The following KLHL3 variants were observed in gnomAD, a reference collection of about 807,000 sequenced individuals.
KLHL3 encodes kelch-like protein 3.
In KLHL3, 19 loss-of-function variants were observed where a neutral mutation model predicts 70.5. The observed-to-expected ratio is 0.27, with a 90% CI of 0.19 to 0.40. The LOEUF (loss-of-function observed/expected upper bound fraction) is 0.40, where lower values mean the gene tolerates loss of function less well. Ranked by LOEUF, KLHL3 falls within the 10% of genes least tolerant of loss-of-function variation. The probability of loss-of-function intolerance (pLI) is 1.00; values close to 1 mark genes in which losing one functional copy is unlikely to be tolerated. For synonymous variants in KLHL3, 258 were observed against 290.3 expected (o/e 0.89, Z 1.13); for missense variants, 512 against 771.1 (o/e 0.66, Z 3.98).
At chr5:137,692,852 A>ACACACACT (rs1194467880) in intron 4 of KLHL3, among the ~76,000 whole-genome samples, 1 of 151,632 alleles carries the variant, frequency 6.6e-6, no homozygotes, top group Admixed American at 6.6e-5. Flanking sequence ...ACACACACAC[A>ACACACACT]CAATGGTTCT....
chr5:137,720,316 GAGAA>G, intron 2 of KLHL3, 145 bp downstream of exon 2: 1 of 894,272 alleles, frequency 1.1e-6, no homozygotes, highest in Middle Eastern at 2.9e-4. Flanking sequence ...AAAAAAAAGA[GAGAA>G]AGAAAGGGGA....
chr5:137,629,744 C>A (rs1364144122), intron 12 of KLHL3: 1 of 150,188 alleles, frequency 6.7e-6, no homozygotes, highest in Non-Finnish European at 1.5e-5. Context: ...GCAGATGGTG[C>A]TGTTGTACCA....
chr5:137,686,820 CCTT>C (rs1382312024), intron 5 of KLHL3, among the ~76,000 whole-genome samples: 10 of 152,230 alleles, frequency 6.6e-5, no homozygotes, highest in African/African-American at 2.4e-4. Flanking sequence ...ACCTTCATTC[CCTT>C]CTTCTAACAT....
At chr5:137,662,237 C>T (rs887678584) in intron 6 of KLHL3, among the ~76,000 whole-genome samples, 4 of 132,634 alleles carry the variant, frequency 3.0e-5, no homozygotes, top group African/African-American at 1.2e-4. Context: ...CACACACACA[C>T]TCTACACACA....
intron 1 of KLHL3, among the ~76,000 whole-genome samples, chr5:137,734,835 C>T (rs774783012): frequency 3.3e-5 from 5 of 152,210 alleles, no homozygotes; most frequent in African/African-American, 1.2e-4. Flanking sequence ...CTCTGCACTG[C>T]GCTGAGCACC....
chr5:137,713,816 C>T (rs933767179), intron 2 of KLHL3, among the ~76,000 whole-genome samples: 24 of 152,114 alleles, frequency 1.6e-4, no homozygotes, highest in African/African-American at 5.6e-4. Flanking sequence ...ATGTGAAGAA[C>T]TCAAACTGTT....
At chr5:137,677,367 G>C in intron 6 of KLHL3, 178 bp downstream of exon 6, 2 of 463,626 alleles carry the variant, frequency 4.3e-6, no homozygotes, top group East Asian at 7.2e-5. Flanking sequence ...GGAATCACTT[G>C]AACCTGGGAG....
chr5:137,693,775 C>T (rs115050377), intron 4 of KLHL3, among the ~76,000 whole-genome samples: 143 of 152,302 alleles, frequency 9.4e-4, no homozygotes, highest in African/African-American at 3.2e-3. Context: ...TACACTCTAG[C>T]TGTTCCCAGC....
chr5:137,644,922 C>A (rs1309565222), intron 8 of KLHL3, among the ~76,000 whole-genome samples: 1 of 152,166 alleles, frequency 6.6e-6, no homozygotes, highest in Non-Finnish European at 1.5e-5. Flanking sequence ...TAACAAAATA[C>A]TAGCAAATGA....
At chr5:137,695,446 C>T (rs1027446042) in intron 4 of KLHL3, among the ~76,000 whole-genome samples, 1 of 152,144 alleles carries the variant, frequency 6.6e-6, no homozygotes, top group Non-Finnish European at 1.5e-5. Context: ...CCATTTTCTT[C>T]CTTCTACTTG....
chr5:137,730,850 G>A (rs1382206526), intron 1 of KLHL3, among the ~76,000 whole-genome samples: 1 of 152,116 alleles, frequency 6.6e-6, no homozygotes, highest in Non-Finnish European at 1.5e-5. Flanking sequence ...GTCCAGGAAA[G>A]TTGTGCTAAG....
At chr5:137,691,344 C>A (rs1752317128) in intron 5 of KLHL3, among the ~76,000 whole-genome samples, 1 of 152,134 alleles carries the variant, frequency 6.6e-6, no homozygotes, top group African/African-American at 2.4e-5. Flanking sequence ...GGGGTGGCTG[C>A]ATGTGTATAA....
intron 1 of KLHL3, chr5:137,724,967 C>T (rs1197465529): frequency 1.3e-6 from 1 of 778,802 alleles, no homozygotes; most frequent in African/African-American, 1.9e-5. Context: ...TAAATGCACA[C>T]ACATATACAT....
chr5:137,629,943 A>G (rs1455682316), intron 12 of KLHL3: 3 of 151,398 alleles, frequency 2.0e-5, no homozygotes, highest in Non-Finnish European at 4.4e-5. Flanking sequence ...CACTCAGGCA[A>G]CTCTGCCTCT....
intron 2 of KLHL3, among the ~76,000 whole-genome samples, chr5:137,714,497 T>C (rs1752857278): frequency 6.6e-6 from 1 of 152,202 alleles, no homozygotes; most frequent in Non-Finnish European, 1.5e-5. Flanking sequence ...ACAACATGAA[T>C]GAACCTTAAA....
intron 8 of KLHL3, among the ~76,000 whole-genome samples, chr5:137,646,967 G>T (rs1751064275): frequency 6.6e-6 from 1 of 152,188 alleles, no homozygotes; most frequent in Non-Finnish European, 1.5e-5. Flanking sequence ...GTGCCTCAAA[G>T]TTCTGATCCC....
intron 7 of KLHL3, among the ~76,000 whole-genome samples, chr5:137,659,070 C>T (rs1473758993): frequency 3.3e-5 from 5 of 152,150 alleles, no homozygotes; most frequent in Admixed American, 2.0e-4. Flanking sequence ...ACCTTTTGGC[C>T]CAGGTCAGAT....
intron 11 of KLHL3, 70 bp from the exon 12 acceptor site, chr5:137,634,235 C>T: frequency 1.3e-6 from 2 of 1,503,472 alleles, no homozygotes; most frequent in Non-Finnish European, 1.8e-6. Context: ...AGCTGAAACC[C>T]TATCTGCAAC....
Position 137,716,314 on chromosome 5 carries a change from G to C in KLHL3, c.134+4151C>G, listed in dbSNP as rs1752891752. Among the ~76,000 whole-genome samples the C allele has an allele frequency of 4.6e-5, 7 of 151,930 alleles. No homozygotes were observed. In the South Asian group the frequency reaches 1.5e-3, roughly 32 times the overall value. On this transcript the variant is annotated intron_variant, in intron 2 of 14. Coordinates refer to ENST00000309755, the MANE Select transcript of KLHL3 (RefSeq NM_017415.3). ...ATCCTCCTGCAAAGCTGGGATTACA[G>C]TCACAAACTCCAATGCCCAACTAAG... is the stretch of plus-strand genomic sequence containing the variant.
Sources: gnomAD v4.1 joint callset for allele counts (sites outside exome capture counted in the v4.1 genomes callset) on GRCh38, gnomAD v4.1.1 for gene constraint, MANE v1.5 for transcripts, NCBI Gene and HGNC (gene_info 2026-07-23, HGNC 2026-07-21) for gene names.